The following NPAS3 variants were observed in gnomAD, a reference collection of about 807,000 sequenced individuals.
NPAS3 encodes the protein neuronal PAS domain protein 3, also known as neuronal PAS domain-containing protein 3.
NPAS3 carries 14 observed loss-of-function variants against 73.1 expected under a neutral mutation model. The observed-to-expected ratio is 0.19, with a 90% CI of 0.13 to 0.30. NPAS3 has a LOEUF of 0.30. Among genes scored for constraint, NPAS3 ranks in the 10% least tolerant of loss-of-function variants. The pLI is 1.00. For synonymous variants in NPAS3, 620 were observed against 541.5 expected, an observed-to-expected ratio of 1.14 and a Z score of -2.01; for missense variants, 1,096 against 1,250.0, an observed-to-expected ratio of 0.88 and a Z score of 1.86.
chr14:32,935,818 T>G (rs2035678066), upstream of NPAS3, among the ~76,000 whole-genome samples: 3 of 152,214 alleles, frequency 2.0e-5, no homozygotes, highest in South Asian at 6.2e-4. Flanking sequence ...GAAGGACAAC[T>G]TTTGATGTTC....
chr14:33,660,858 A>C (rs1475645043), intron 5 of NPAS3, among the ~76,000 whole-genome samples: 2 of 152,200 alleles, frequency 1.3e-5, no homozygotes, highest in African/African-American at 4.8e-5. Context: ...AATACCAGCA[A>C]GCCCAGGACT....
At chr14:33,799,677 T>C in intron 11 of NPAS3, 57 bp from the exon 12 acceptor site, 1 of 1,535,780 alleles carries the variant, frequency 6.5e-7, no homozygotes, top group Non-Finnish European at 8.8e-7. Flanking sequence ...GCTAACCTGG[T>C]GTCTTCTCTC....
At chr14:33,112,260 G>T (rs2042920649) in intron 2 of NPAS3, among the ~76,000 whole-genome samples, 1 of 152,144 alleles carries the variant, frequency 6.6e-6, no homozygotes, top group Admixed American at 6.5e-5. Context: ...CTTCCACAAT[G>T]GTTGAACTAG....
chr14:32,985,753 A>G (rs2038071172), intron 1 of NPAS3, among the ~76,000 whole-genome samples: 1 of 152,206 alleles, frequency 6.6e-6, no homozygotes, highest in African/African-American at 2.4e-5. Context: ...TTTAACAAGG[A>G]TGTTTAGGAT....
At chr14:32,968,569 G>T (rs777411057) in intron 1 of NPAS3, among the ~76,000 whole-genome samples, 2 of 152,098 alleles carry the variant, frequency 1.3e-5, no homozygotes, top group Non-Finnish European at 2.9e-5. Context: ...TCTAAATCCA[G>T]TAATAAAGTT....
At chr14:33,462,001 A>C (rs1281214744) in intron 4 of NPAS3, among the ~76,000 whole-genome samples, 1 of 152,208 alleles carries the variant, frequency 6.6e-6, no homozygotes, top group Non-Finnish European at 1.5e-5. Flanking sequence ...CTTGTGAGGA[A>C]GTTCTTCCTG....
At chr14:33,223,995 T>A (rs930382750) in intron 3 of NPAS3, among the ~76,000 whole-genome samples, 1 of 152,162 alleles carries the variant, frequency 6.6e-6, no homozygotes, top group African/African-American at 2.4e-5. Context: ...CTTCATATAC[T>A]TTTTCTTTGC....
intron 3 of NPAS3, among the ~76,000 whole-genome samples, chr14:33,327,586 A>G (rs2043769294): frequency 6.6e-6 from 1 of 152,246 alleles, no homozygotes; most frequent in South Asian, 2.1e-4. Context: ...TGTAAATGCC[A>G]CAGCAGAGGC....
intron 2 of NPAS3, among the ~76,000 whole-genome samples, chr14:33,208,908 A>T (rs1172594595): frequency 1.3e-5 from 2 of 152,210 alleles, no homozygotes; most frequent in African/African-American, 4.8e-5. Flanking sequence ...GATCTACAGC[A>T]GCAACCTGCC....
chr14:33,796,573 C>T (rs1168475133), intron 10 of NPAS3, among the ~76,000 whole-genome samples: 1 of 152,110 alleles, frequency 6.6e-6, no homozygotes, highest in Non-Finnish European at 1.5e-5. Flanking sequence ...GGCTAGCCAT[C>T]ATGGAAAAAT....
chr14:33,039,129 T>C (rs2040267120), intron 1 of NPAS3, among the ~76,000 whole-genome samples: 1 of 152,192 alleles, frequency 6.6e-6, no homozygotes, highest in Non-Finnish European at 1.5e-5. Context: ...CTTCTTTCAT[T>C]GAGTGATCTA....
At chr14:33,242,490 G>A (rs1372494689) in intron 3 of NPAS3, among the ~76,000 whole-genome samples, 1 of 152,060 alleles carries the variant, frequency 6.6e-6, no homozygotes, top group African/African-American at 2.4e-5. Context: ...TGAGTCTGCA[G>A]AGGTTGCTTA....
At chr14:33,034,310 A>G (rs1020194395) in intron 1 of NPAS3, among the ~76,000 whole-genome samples, 16 of 151,918 alleles carry the variant, frequency 1.1e-4, no homozygotes, top group Non-Finnish European at 1.9e-4. Flanking sequence ...AAGATTATGT[A>G]ACATTATAAA....
At chr14:32,989,681 A>AAAAC (rs150135931) in intron 1 of NPAS3, among the ~76,000 whole-genome samples, 100 of 106,338 alleles carry the variant, frequency 9.4e-4, no homozygotes, top group Middle Eastern at 4.7e-3. Flanking sequence ...AAAACAAAAC[A>AAAAC]AAAAAAACCT....
At chr14:33,733,981 A>G (rs2061462352) in intron 6 of NPAS3, among the ~76,000 whole-genome samples, 1 of 150,724 alleles carries the variant, frequency 6.6e-6, no homozygotes, top group Admixed American at 6.6e-5. Flanking sequence ...CACCAAGTTT[A>G]ATATGAAAAA....
chr14:33,215,604 A>G (rs1218211737), intron 3 of NPAS3, 178 bp downstream of exon 3: 7 of 759,466 alleles, frequency 9.2e-6, no homozygotes, highest in South Asian at 3.0e-5. Context: ...TAAACCTCTT[A>G]TTTTTCTATT....
At chr14:33,092,169 G>A (rs2042247871) in intron 2 of NPAS3, among the ~76,000 whole-genome samples, 1 of 152,140 alleles carries the variant, frequency 6.6e-6, no homozygotes, top group Non-Finnish European at 1.5e-5. Context: ...TAGGAAAAGA[G>A]GAAGTCAAAT....
intron 4 of NPAS3, among the ~76,000 whole-genome samples, chr14:33,415,979 T>C (rs2048127972): frequency 1.3e-5 from 2 of 152,138 alleles, no homozygotes; most frequent in African/African-American, 2.4e-5. Context: ...GATTGTATAA[T>C]ATCCAACTTA....
At chr14:33,532,472 T>G (rs955788820) in intron 4 of NPAS3, among the ~76,000 whole-genome samples, 2 of 152,242 alleles carry the variant, frequency 1.3e-5, no homozygotes, top group Admixed American at 6.5e-5. Context: ...GTCACTTCAC[T>G]TCATCCTGTG....
Sources: allele counts gnomAD v4.1 joint callset (sites outside exome capture counted in the v4.1 genomes callset), GRCh38; gene constraint gnomAD v4.1.1; transcripts MANE v1.5; gene names NCBI Gene and HGNC (gene_info 2026-07-23, HGNC 2026-07-21).